SLC6A18: variants seen among roughly 807,000 people sequenced by gnomAD.
The protein encoded by SLC6A18 is solute carrier family 6 member 18.
In SLC6A18, 58 loss-of-function variants were observed where a neutral mutation model predicts 62.9. That is an observed-to-expected ratio of 0.92 (90% CI 0.75 to 1.15). The LOEUF is 1.15. Ranked by LOEUF, SLC6A18 falls within the 50% of genes most tolerant of loss-of-function variation. SLC6A18 has a pLI of 0.00. For synonymous variants in SLC6A18, 382 were observed against 365.8 expected, an observed-to-expected ratio of 1.04 and a Z score of -0.51; for missense variants, 793 against 836.6, an observed-to-expected ratio of 0.95 and a Z score of 0.64.
At chr5:1,231,147 C>T (rs575899133) in intron 1 of SLC6A18, among the ~76,000 whole-genome samples, 17 of 152,330 alleles carry the variant, frequency 1.1e-4, no homozygotes, top group Non-Finnish European at 2.1e-4. Context: ...CTGTGGACTC[C>T]ACGGGAAGCC....
At chr5:1,233,852 C>T (rs1746806180) in intron 3 of SLC6A18, among the ~76,000 whole-genome samples, 1 of 151,860 alleles carries the variant, frequency 6.6e-6, no homozygotes, top group African/African-American at 2.4e-5. Context: ...CGCCATTCTC[C>T]TGCCTCAGCC....
At position 1,241,935 on chromosome 5, in the gene SLC6A18, G is replaced by T. The variant is rs1349071693; in HGVS notation, c.975-772G>T. 6.6e-6 allele frequency among the ~76,000 whole-genome samples: 1 copy of T among 152,226 alleles called. No individual in the cohort carries two copies. The highest frequency in any genetic ancestry group is 1.5e-5 in the Non-Finnish European group (1 of 68,046). On this transcript the variant is annotated intron_variant, in intron 7 of 11. Transcript: ENST00000324642. The surrounding 1 kb of genome is among the most constrained non-coding windows in gnomAD (Gnocchi z 7.8). ...TGGGGCTAGAAGTGAGGGGAGCGAG[G>T]TCTCTCTCTTCAGGATTGTTCTAGG...
At position 1,225,387 on chromosome 5, in the gene SLC6A18, C is replaced by A; in HGVS notation, c.-91C>A. On this transcript the variant is annotated 5_prime_UTR_variant, in exon 1 of 12. Transcript: ENST00000324642. ...CTGCAGTGGGGCTGCTTGTGGTTTC[C>A]AAACGTCGGCAGAGGCTGGAGACGG... is the stretch of plus-strand genomic sequence containing the variant. 1 of 1,386,912 alleles carries A rather than the reference C, an allele frequency of 7.2e-7. No homozygotes were observed. The highest frequency in any genetic ancestry group is 9.6e-7 in the Non-Finnish European group (1 of 1,041,542). 85.9% of individuals were successfully genotyped at this position (1,386,912 alleles called of 1,614,324 possible).
At position 1,240,669 on chromosome 5, in the gene SLC6A18, G is replaced by A; in HGVS notation, c.974+10G>A. ...AGCACTGCCTGGACAGGTGAGCACA[G>A]GTGCCGCGCCTGGCTCTGTGGGGCA... On this transcript the variant is annotated intron_variant, in intron 7 of 11. Transcript: ENST00000324642. 1 of 1,613,274 alleles carries A rather than the reference G, an allele frequency of 6.2e-7. No homozygotes were observed. Among genetic ancestry groups the A allele is most frequent in the Non-Finnish European group, 8.5e-7 (1 of 1,179,784 alleles).
Position 1,235,663 on chromosome 5 carries a change from G to A in SLC6A18, c.621+1G>A. ...CAGGGGCATTGAGACTACAGGGAAGGTGAGAGCTGGCAGGGCCTGATCCCC... is the reference window on the plus strand; with the variant it reads ...CAGGGGCATTGAGACTACAGGGAAGATGAGAGCTGGCAGGGCCTGATCCCC... On this transcript the variant is annotated splice_donor_variant, in intron 4 of 11. Coordinates refer to ENST00000324642, the MANE Select transcript of SLC6A18 (RefSeq NM_182632.3). LOFTEE classifies it high-confidence loss of function. The A allele has an allele frequency of 6.2e-7, 1 of 1,613,568 alleles. No homozygotes were observed. Among genetic ancestry groups the A allele is most frequent in the Non-Finnish European group, 8.5e-7 (1 of 1,179,834 alleles).
At chr5:1,230,680 C>T (rs1282557882) in intron 1 of SLC6A18, among the ~76,000 whole-genome samples, 1 of 152,204 alleles carries the variant, frequency 6.6e-6, no homozygotes, top group African/African-American at 2.4e-5. Flanking sequence ...CTTCTAGAAG[C>T]CGGACCCTGC....
intron 1 of SLC6A18, among the ~76,000 whole-genome samples, chr5:1,226,081 G>A (rs1022043451): frequency 6.6e-6 from 1 of 152,222 alleles, no homozygotes; most frequent in South Asian, 2.1e-4. Flanking sequence ...CCTTCTCCGA[G>A]GTTCTTTGCA....
chr5:1,237,542 G>A (rs896622613), intron 4 of SLC6A18, among the ~76,000 whole-genome samples: 3 of 152,168 alleles, frequency 2.0e-5, no homozygotes, highest in Non-Finnish European at 4.4e-5. Flanking sequence ...GACCAAAGCA[G>A]GGAAAGGATA....
intron 2 of SLC6A18, 113 bp from the exon 3 acceptor site, chr5:1,232,638 C>T (rs1327624741): frequency 3.5e-5 from 51 of 1,438,942 alleles, no homozygotes; most frequent in African/African-American, 9.9e-5. Flanking sequence ...CTTTCAGCTG[C>T]GCCCTTCAGC....
intron 6 of SLC6A18, 108 bp from the exon 7 acceptor site, chr5:1,240,423 C>G: frequency 6.6e-7 from 1 of 1,518,258 alleles, no homozygotes; most frequent in Non-Finnish European, 8.9e-7. Flanking sequence ...AAGGGGCATC[C>G]CAGGCGGGAG....
At chr5:1,229,345 T>C (rs1356539590) in intron 1 of SLC6A18, among the ~76,000 whole-genome samples, 10 of 150,876 alleles carry the variant, frequency 6.6e-5, no homozygotes, top group Non-Finnish European at 1.5e-5. Flanking sequence ...TCATCTCCTC[T>C]CCCCTAAATA....
At chr5:1,235,852 T>C (rs763184438) in intron 4 of SLC6A18, among the ~76,000 whole-genome samples, 190 bp downstream of exon 4, 15 of 152,236 alleles carry the variant, frequency 9.9e-5, no homozygotes, top group Non-Finnish European at 1.9e-4. Context: ...GGTGATATTC[T>C]TGGCTCTGAA....
chr5:1,239,168 A>C (rs1367809397), intron 5 of SLC6A18, among the ~76,000 whole-genome samples: 1 of 152,154 alleles, frequency 6.6e-6, no homozygotes, highest in African/African-American at 2.4e-5. Context: ...GCTCAAACCC[A>C]TCTCCAGCCC....
chr5:1,244,218 G>A lies in SLC6A18; in HGVS notation c.1341G>A (p.Leu447=). Residue 447 remains leucine (L), a synonymous_variant, in exon 10 of 12, where the codon CTG becomes CTA. Coordinates refer to ENST00000324642, the MANE Select transcript of SLC6A18 (RefSeq NM_182632.3). ...RWVPKEALTG[L]VCLVCFLSAT... The stretch of plus-strand genomic sequence containing the variant: ...ACCCCTTTCCCACTGCCCCAGGGCT[G>A]GTCTGCCTGGTCTGCTTCCTCTCCG... 2 of 1,609,306 alleles carry A rather than the reference G, an allele frequency of 1.2e-6. No homozygotes were observed. Among genetic ancestry groups the A allele is most frequent in the Non-Finnish European group, 1.7e-6 (2 of 1,179,230 alleles).
At chr5:1,245,029 C>A (rs1304680234) in intron 11 of SLC6A18, among the ~76,000 whole-genome samples, 4 of 152,168 alleles carry the variant, frequency 2.6e-5, no homozygotes. Flanking sequence ...GAGTGAGGAC[C>A]TGAGCAGTGC....
rs1409577095 is a variant in SLC6A18, at chr5:1,243,302, A to C, written c.1132-253A>C. 6.6e-6 allele frequency among the ~76,000 whole-genome samples: 1 copy of C among 152,126 alleles called. No homozygotes were observed. The highest frequency in any genetic ancestry group is 1.5e-5 in the Non-Finnish European group (1 of 68,002). Reference sequence around the variant, plus strand: ...TCAGGGTGCCTGACTCTAGGCATAAAAGGCGCTGGTTTCTAGGCCCAGCTG... The same window carrying C: ...TCAGGGTGCCTGACTCTAGGCATAACAGGCGCTGGTTTCTAGGCCCAGCTG... On this transcript the variant is annotated intron_variant, in intron 8 of 11. Transcript: ENST00000324642. The surrounding 1 kb of genome is among the most constrained non-coding windows in gnomAD (Gnocchi z 6.5).
chr5:1,242,591 G>C, intron 7 of SLC6A18, 116 bp from the exon 8 acceptor site: 1 of 1,396,702 alleles, frequency 7.2e-7, no homozygotes, highest in South Asian at 1.4e-5. Context: ...TCCCAACAGG[G>C]GCAGGAGGGG....
rs765986075 is a variant in SLC6A18 at position 1,232,745 on chromosome 5, C to T, written c.302-6C>T. On this transcript the variant is annotated splice_polypyrimidine_tract_variant and splice_region_variant and intron_variant, in intron 2 of 11. Coordinates refer to ENST00000324642, the MANE Select transcript of SLC6A18 (RefSeq NM_182632.3). ...CGGGGCCACCTGACATGGTCCCTGTCCACAGGGCTGGGCTGTGTCACGCTG... is the reference window on the plus strand; with the variant it reads ...CGGGGCCACCTGACATGGTCCCTGTTCACAGGGCTGGGCTGTGTCACGCTG... 56 of 1,608,804 alleles carry T rather than the reference C, an allele frequency of 3.5e-5. 1 individual carries two copies. The South Asian group carries it at 6.1e-4, about 17-fold the overall frequency.
intron 9 of SLC6A18, 38 bp from the exon 10 acceptor site, chr5:1,244,176 A>ACCCCCTT: frequency 3.4e-6 from 1 of 297,854 alleles, no homozygotes; most frequent in Non-Finnish European, 5.9e-6. Context: ...TCCACTCCCC[A>ACCCCCTT]TCCCCTTACC....
Sources: gnomAD v4.1 joint callset for allele counts (sites outside exome capture counted in the v4.1 genomes callset) on GRCh38, gnomAD v4.1.1 for gene constraint, Gnocchi (gnomAD v3.1) non-coding constraint, MANE v1.5 for transcripts, NCBI Gene and HGNC (gene_info 2026-07-23, HGNC 2026-07-21) for gene names.